The following WWP1 variants were observed in gnomAD, a reference collection of about 807,000 sequenced individuals.
WWP1 encodes NEDD4-like E3 ubiquitin-protein ligase WWP1.
In WWP1, 49 loss-of-function variants were observed where a neutral mutation model predicts 130.6. The observed-to-expected ratio is 0.38, with a 90% CI of 0.30 to 0.48. WWP1 has a LOEUF of 0.48. Among genes scored for constraint, WWP1 ranks in the 20% least tolerant of loss-of-function variants. The pLI, the probability that WWP1 is intolerant of heterozygous loss-of-function variation, is 0.99. For missense variants in WWP1, 809 were observed against 1,100.6 expected (o/e 0.74, Z 3.75); for synonymous variants, 332 against 367.8 (o/e 0.90, Z 1.11).
intron 1 of WWP1, among the ~76,000 whole-genome samples, chr8:86,348,269 A>AGT (rs1266638868): frequency 6.6e-6 from 1 of 151,140 alleles, no homozygotes; most frequent in Non-Finnish European, 1.5e-5. Context: ...CCCAGGCTGG[A>AGT]GTGCAATGGC....
At chr8:86,385,904 C>T (rs1402710695) in intron 5 of WWP1, among the ~76,000 whole-genome samples, 2 of 152,194 alleles carry the variant, frequency 1.3e-5, no homozygotes, top group African/African-American at 4.8e-5. Context: ...TATTGAACAA[C>T]ACAGCCATGC....
rs2130006090 is a variant in WWP1 at position 86,342,606 on chromosome 8, C to T, written c.-439C>T. 5.7e-6 allele frequency: 1 copy of T among 174,300 alleles called. No homozygotes were observed. Among genetic ancestry groups the T allele is most frequent in the African/African-American group, 2.4e-5 (1 of 41,470 alleles). The allele number at this position is 174,300 out of a possible 1,614,324, so 10.8% of individuals were successfully genotyped here. A position where few individuals can be genotyped will look rare whatever the true frequency, so the allele number is the denominator to read the frequency against. Reference sequence around the variant, plus strand: ...GCGGCGTAGCGCGCGGTGCCGGGGCCGGCGGGGAGGCGCGCGCTTAGGGCG... The same window carrying T: ...GCGGCGTAGCGCGCGGTGCCGGGGCTGGCGGGGAGGCGCGCGCTTAGGGCG... On this transcript the variant is annotated 5_prime_UTR_variant, in exon 1 of 25. Coordinates refer to ENST00000517970, the MANE Select transcript of WWP1 (RefSeq NM_007013.4).
chr8:86,389,466 G>T (rs1000208252), intron 5 of WWP1, among the ~76,000 whole-genome samples: 19 of 152,198 alleles, frequency 1.2e-4, no homozygotes, highest in Admixed American at 3.3e-4. Context: ...AGAGCACCAG[G>T]TTGGGGGTAA....
intron 22 of WWP1, among the ~76,000 whole-genome samples, chr8:86,460,640 G>A (rs191808509): frequency 3.1e-3 from 475 of 152,068 alleles, no homozygotes; most frequent in African/African-American, 0.011. Flanking sequence ...CAAGATTCTC[G>A]TGTATTTCCT....
intron 8 of WWP1, among the ~76,000 whole-genome samples, chr8:86,402,690 G>A (rs912218890): frequency 6.6e-6 from 1 of 152,120 alleles, no homozygotes; most frequent in African/African-American, 2.4e-5. Context: ...GGATTATTTA[G>A]GAAGATATTT....
At chr8:86,371,310 A>G (rs745629221) in intron 2 of WWP1, among the ~76,000 whole-genome samples, 2 of 152,130 alleles carry the variant, frequency 1.3e-5, no homozygotes, top group African/African-American at 2.4e-5. Flanking sequence ...TTTTGTTATT[A>G]TGAAGAATGC....
chr8:86,466,063 T>C (rs1812092637), intron 24 of WWP1, among the ~76,000 whole-genome samples: 1 of 152,188 alleles, frequency 6.6e-6, no homozygotes, highest in South Asian at 2.1e-4. Context: ...ATCTCACTAG[T>C]CACTGCTACT....
chr8:86,400,925 G>T (rs973441376), intron 7 of WWP1, among the ~76,000 whole-genome samples: 6 of 151,982 alleles, frequency 3.9e-5, no homozygotes. Context: ...CTGCTCTGTG[G>T]AGAGCAGTTA....
intron 3 of WWP1, among the ~76,000 whole-genome samples, chr8:86,376,865 C>G (rs1289209640): frequency 1.3e-5 from 2 of 152,280 alleles, no homozygotes; most frequent in African/African-American, 4.8e-5. Flanking sequence ...TCTTTGTCTT[C>G]CGTTTTGTTG....
intron 5 of WWP1, among the ~76,000 whole-genome samples, chr8:86,393,837 A>T (rs1807490886): frequency 6.6e-6 from 1 of 152,180 alleles, no homozygotes; most frequent in African/African-American, 2.4e-5. Flanking sequence ...TGCGTCAGAG[A>T]TTATCTGTGT....
chr8:86,397,679 T>C (rs1325935230), intron 5 of WWP1, among the ~76,000 whole-genome samples: 1 of 152,192 alleles, frequency 6.6e-6, no homozygotes, highest in Admixed American at 6.5e-5. Flanking sequence ...TCTAAATATA[T>C]AGTCTAACAT....
chr8:86,442,456 G>A lies in WWP1; in HGVS notation c.1839-163G>A, dbSNP rs78906382. The A allele has an allele frequency of 3.0e-3, 1,643 of 546,260 alleles. 33 individuals carry two copies. The highest frequency in any genetic ancestry group is 0.029 in the African/African-American group (1,515 of 52,166). The allele number at this position is 546,260 out of a possible 1,614,324, so 33.8% of individuals were successfully genotyped here. A position where few individuals can be genotyped will look rare whatever the true frequency, so the allele number is the denominator to read the frequency against. ...GAAACTAGCAGGTAACTTAAATGGA[G>A]AGCCAGATCATAGAAGAACTTGGAT... is the stretch of plus-strand genomic sequence containing the variant. On this transcript the variant is annotated intron_variant, in intron 17 of 24. Coordinates refer to ENST00000517970, the MANE Select transcript of WWP1 (RefSeq NM_007013.4).
intron 14 of WWP1, among the ~76,000 whole-genome samples, chr8:86,432,517 C>G (rs1810039103): frequency 6.8e-6 from 1 of 148,084 alleles, no homozygotes; most frequent in Non-Finnish European, 1.5e-5. Flanking sequence ...TTATTCTTAT[C>G]AGCTGTTATT....
intron 8 of WWP1, among the ~76,000 whole-genome samples, chr8:86,407,251 CCTT>C (rs1808333326): frequency 6.6e-6 from 1 of 152,184 alleles, no homozygotes; most frequent in Admixed American, 6.5e-5. Context: ...CTTTTCCTTT[CCTT>C]CTTTTTTCGG....
intron 8 of WWP1, among the ~76,000 whole-genome samples, chr8:86,402,806 A>G (rs1808068862): frequency 1.3e-5 from 2 of 152,242 alleles, no homozygotes; most frequent in Non-Finnish European, 2.9e-5. Flanking sequence ...GATATAAAAT[A>G]TATTTCTGAA....
chr8:86,434,462 C>T (rs1017540961), intron 14 of WWP1, among the ~76,000 whole-genome samples: 8 of 151,790 alleles, frequency 5.3e-5, no homozygotes, highest in Admixed American at 3.9e-4. Flanking sequence ...GGCTTTTGCC[C>T]TCTCCTTCAT....
intron 1 of WWP1, among the ~76,000 whole-genome samples, chr8:86,343,933 T>G (rs1049351013): frequency 1.3e-5 from 2 of 152,140 alleles, no homozygotes; most frequent in Non-Finnish European, 2.9e-5. Flanking sequence ...TGTTTTTACC[T>G]GAAATAGTTG....
At position 86,409,226 on chromosome 8, in the gene WWP1, CTTTTTTT is replaced by C. The variant is rs1230976832; in HGVS notation, c.725-2296_725-2290del. ...TAATTTATTCTTTTTCTTTTTCTTTCTTTTTTTTTTTTTTTTTTTTTTCTTCAGACGG... is the reference window on the plus strand; with the variant it reads ...TAATTTATTCTTTTTCTTTTTCTTTCTTTTTTTTTTTTTTTCTTCAGACGG... On this transcript the variant is annotated intron_variant, in intron 8 of 24. Transcript: ENST00000517970. 3.5e-3 allele frequency among the ~76,000 whole-genome samples: 356 copies of C among 100,500 alleles called. 2 individuals are homozygous for C. The highest frequency in any genetic ancestry group is 0.013 in the East Asian group (43 of 3,418). 65.9% of individuals were successfully genotyped at this position (100,500 alleles called of 152,430 possible).
chr8:86,397,969 C>T (rs1448928464), intron 5 of WWP1, among the ~76,000 whole-genome samples: 1 of 152,110 alleles, frequency 6.6e-6, no homozygotes, highest in African/African-American at 2.4e-5. Flanking sequence ...CAATACACAG[C>T]CAATAAGTAG....
Sources: allele counts gnomAD v4.1 joint callset (sites outside exome capture counted in the v4.1 genomes callset), GRCh38; gene constraint gnomAD v4.1.1; transcripts MANE v1.5; gene names NCBI Gene and HGNC (gene_info 2026-07-23, HGNC 2026-07-21).